The following EPB41L4A variants were observed in gnomAD, a reference collection of about 807,000 sequenced individuals.
EPB41L4A encodes erythrocyte membrane protein band 4.1 like 4A.
Under a neutral mutation model 108.6 loss-of-function variants are expected in EPB41L4A, and 100 were observed. The observed-to-expected ratio is 0.92, with a 90% CI of 0.78 to 1.09. EPB41L4A has a LOEUF of 1.09. Ranked by LOEUF, EPB41L4A falls within the 50% of genes least tolerant of loss-of-function variation. EPB41L4A has a pLI of 0.00. For synonymous variants in EPB41L4A, 319 were observed against 289.0 expected (o/e 1.10, Z -1.05); for missense variants, 1,030 against 842.7 (o/e 1.22, Z -2.75).
At chr5:112,204,981 G>A (rs1382006567) in intron 14 of EPB41L4A, among the ~76,000 whole-genome samples, 4 of 152,142 alleles carry the variant, frequency 2.6e-5, no homozygotes, top group Non-Finnish European at 4.4e-5. Flanking sequence ...TACAACACAG[G>A]TCTGTCACTG....
Position 112,193,980 on chromosome 5 carries a change from A to G in EPB41L4A, c.1502+588T>C, listed in dbSNP as rs547603091. Among the ~76,000 whole-genome samples the G allele has an allele frequency of 4.5e-4, 68 of 152,296 alleles. 1 individual carries two copies. The South Asian group carries it at 0.013, about 30-fold the overall frequency. On this transcript the variant is annotated intron_variant, in intron 17 of 22. Coordinates refer to ENST00000261486, the MANE Select transcript of EPB41L4A (RefSeq NM_022140.5). ...ATGACACAAATACTTCTTGTTTTCG[A>G]GTGCATATTTTGGAACTAGGGATAA...
At position 112,280,279 on chromosome 5, in the gene EPB41L4A, C is replaced by A; in HGVS notation, c.249G>T (p.Leu83=). 3 of 1,613,898 alleles carry A rather than the reference C, an allele frequency of 1.9e-6. No individual in the cohort carries two copies. The highest frequency in any genetic ancestry group is 2.5e-6 in the Non-Finnish European group (3 of 1,179,804). The change falls in exon 3 of 23, where the codon CTG becomes CTT. Residue 83 remains leucine (L), a synonymous_variant. Coordinates refer to ENST00000261486, the MANE Select transcript of EPB41L4A (RefSeq NM_022140.5). ...TAAAAGCTAAATACCTACTGTTGATCAGTTCTTTGTGTTCAGCAAGGGTTT... is the reference window on the plus strand; with the variant it reads ...TAAAAGCTAAATACCTACTGTTGATAAGTTCTTTGTGTTCAGCAAGGGTTT... ...PAKTLAEHKE[L]INTGPPYTLY...
chr5:112,284,256 G>C (rs916399796), intron 2 of EPB41L4A, among the ~76,000 whole-genome samples: 3 of 151,312 alleles, frequency 2.0e-5, no homozygotes, highest in Non-Finnish European at 4.4e-5. Flanking sequence ...GGTGCCCTAA[G>C]AGACTGTTCT....
chr5:112,194,354 A>G (rs911707289), intron 17 of EPB41L4A, among the ~76,000 whole-genome samples: 9 of 152,144 alleles, frequency 5.9e-5, no homozygotes, highest in African/African-American at 2.2e-4. Flanking sequence ...ACAAGAAGGG[A>G]CCTCATTGTC....
Position 112,240,783 on chromosome 5 carries a change from C to A in EPB41L4A, c.823G>T (p.Ala275Ser). The A allele has an allele frequency of 1.3e-6, 2 of 1,590,216 alleles. No individual in the cohort carries two copies. Among genetic ancestry groups the A allele is most frequent in the Non-Finnish European group, 1.7e-6 (2 of 1,173,346 alleles). ...DCNETSFFFEARSKTACKHLW... is the reference protein window; with the variant it reads ...DCNETSFFFESRSKTACKHLW... ...TGCTTGCAAGCAGTTTTACTCCGAG[C>A]TTCAAAAAAGAATGAGGTTTCGTTA... Residue 275 changes from alanine to serine, a missense_variant, in exon 10 of 23, where the codon GCT becomes TCT. Transcript: ENST00000261486.
chr5:112,280,476 T>C (rs1752899127), intron 2 of EPB41L4A, among the ~76,000 whole-genome samples, 153 bp from the exon 3 acceptor site: 1 of 152,008 alleles, frequency 6.6e-6, no homozygotes, highest in African/African-American at 2.4e-5. Context: ...ACATAAGAGT[T>C]TTCTGCAGCA....
intron 1 of EPB41L4A, among the ~76,000 whole-genome samples, chr5:112,401,031 T>C (rs1375116718): frequency 6.6e-6 from 1 of 152,050 alleles, no homozygotes; most frequent in Non-Finnish European, 1.5e-5. Context: ...ATCAAAATAC[T>C]CATGAGTCCA....
At chr5:112,239,567 AAAAT>A (rs1216696973) in intron 11 of EPB41L4A, 89 bp downstream of exon 11, 48 of 760,860 alleles carry the variant, frequency 6.3e-5, no homozygotes, top group African/African-American at 2.9e-4. Flanking sequence ...AAAAAAGAAA[AAAAT>A]AAATAAATAA....
At chr5:112,160,001 C>G (rs569899740), downstream of EPB41L4A, among the ~76,000 whole-genome samples, 83 of 151,048 alleles carry the variant, frequency 5.5e-4, no homozygotes, top group African/African-American at 1.6e-3. Context: ...CCCACCCCGC[C>G]CGGGTTCAAG....
exon 14 of EPB41L4A, chr5:112,142,498 G>T (rs1182317375): frequency 6.6e-6 from 1 of 152,220 alleles, no homozygotes; most frequent in South Asian, 2.1e-4. Flanking sequence ...GCTTATGGGT[G>T]TGGGTCAAGA....
chr5:112,369,596 A>G (rs1382639518), intron 1 of EPB41L4A, among the ~76,000 whole-genome samples: 1 of 152,140 alleles, frequency 6.6e-6, no homozygotes, highest in Non-Finnish European at 1.5e-5. Flanking sequence ...TATTTTTTTA[A>G]TTGACTTATT....
At chr5:112,264,474 G>C (rs549603985) in intron 6 of EPB41L4A, 1 of 152,520 alleles carries the variant, frequency 6.6e-6, no homozygotes, top group Non-Finnish European at 1.5e-5. Flanking sequence ...GTTAAAAATT[G>C]TTGTGATTAA....
intron 1 of EPB41L4A, among the ~76,000 whole-genome samples, chr5:112,341,786 A>C (rs1757339740): frequency 6.6e-6 from 1 of 151,760 alleles, no homozygotes; most frequent in East Asian, 1.9e-4. Context: ...ATACACACAC[A>C]CCCCAAAAGT....
At chr5:112,293,214 ATTTTT>A (rs34631751) in intron 2 of EPB41L4A, among the ~76,000 whole-genome samples, 1 of 147,654 alleles carries the variant, frequency 6.8e-6, no homozygotes, top group Non-Finnish European at 1.5e-5. Context: ...CGATGGAAGC[ATTTTT>A]TTTTTTAACT....
rs764605249 is a variant in EPB41L4A, at chr5:112,209,912, A to C, written c.1158T>G (p.Ile386Met). Residue 386 changes from isoleucine (I) to methionine (M), a missense_variant, in exon 13 of 23, where the codon ATT (isoleucine) becomes ATG (methionine). By Grantham distance (10) the Ile-to-Met change is conservative. Transcript: ENST00000261486. Reference protein sequence around the residue: ...NGENEGTIKIIAPSPVKSFKK... With the variant: ...NGENEGTIKIMAPSPVKSFKK... The stretch of plus-strand genomic sequence containing the variant: ...CTGACCTTTTTACTGGTGAAGGTGC[A>C]ATAATTTTAATTGTTCCTTCATTTT... The C allele has an allele frequency of 1.4e-5, 22 of 1,604,062 alleles. No individual in the cohort carries two copies. In the South Asian group the frequency reaches 2.0e-4, roughly 14 times the overall value.
At chr5:112,317,096 G>T (rs1312039224) in intron 1 of EPB41L4A, among the ~76,000 whole-genome samples, 3 of 152,202 alleles carry the variant, frequency 2.0e-5, no homozygotes, top group African/African-American at 7.2e-5. Context: ...CTCTTGATAG[G>T]AGGAATGACA....
intron 1 of EPB41L4A, among the ~76,000 whole-genome samples, chr5:112,350,365 C>T (rs1259099897): frequency 1.3e-5 from 2 of 152,130 alleles, no homozygotes; most frequent in Non-Finnish European, 2.9e-5. Flanking sequence ...TACATAATAG[C>T]TGTACACATG....
Position 112,164,734 on chromosome 5 carries a change from C to A in EPB41L4A, c.*256G>T. 4.0e-6 allele frequency: 1 copy of A among 251,568 alleles called. No homozygotes were observed. Among genetic ancestry groups the A allele is most frequent in the South Asian group, 8.9e-5 (1 of 11,202 alleles). The allele number at this position is 251,568 out of a possible 1,614,324, so 15.6% of individuals were successfully genotyped here. A position where few individuals can be genotyped will look rare whatever the true frequency, so the allele number is the denominator to read the frequency against. The stretch of plus-strand genomic sequence containing the variant: ...CCTGTAATCCCAGCTGCTCGGGAGC[C>A]TGAGACAGGAGAATCGCTTAACCCA... On this transcript the variant is annotated 3_prime_UTR_variant, in exon 23 of 23. Transcript: ENST00000261486.
chr5:112,170,893 G>T lies in EPB41L4A; in HGVS notation c.1670+52C>A. On this transcript the variant is annotated intron_variant, in intron 19 of 22. Coordinates refer to ENST00000261486, the MANE Select transcript of EPB41L4A (RefSeq NM_022140.5). ...AGTATCAGGAGTCTTCCTTGCAATT[G>T]CATTAAAACTACATGGGTTTTAAAA... 4 of 1,514,864 alleles carry T rather than the reference G, an allele frequency of 2.6e-6. No homozygotes were observed. The South Asian group carries it at 3.4e-5, about 13-fold the overall frequency. The allele number at this position is 1,514,864 out of a possible 1,614,324, so 93.8% of individuals were successfully genotyped here.
Sources: gnomAD v4.1 joint callset for allele counts (sites outside exome capture counted in the v4.1 genomes callset) on GRCh38, gnomAD v4.1.1 for gene constraint, MANE v1.5 for transcripts, NCBI Gene and HGNC (gene_info 2026-07-23, HGNC 2026-07-21) for gene names.